Variants in SIPA1L2 observed in about 807,000 individuals in gnomAD.
SIPA1L2 encodes signal-induced proliferation-associated 1-like protein 2.
SIPA1L2 carries 56 observed loss-of-function variants against 163.9 expected under a neutral mutation model. That is an observed-to-expected ratio of 0.34 (90% CI 0.28 to 0.43). The LOEUF (loss-of-function observed/expected upper bound fraction) is 0.43. Ranked by LOEUF, SIPA1L2 falls within the 20% of genes least tolerant of loss-of-function variation. The probability of loss-of-function intolerance (pLI) is 1.00; values close to 1 mark genes in which losing one functional copy is unlikely to be tolerated. For missense variants in SIPA1L2, 1,974 were observed against 2,193.5 expected (o/e 0.90, Z 2.00); for synonymous variants, 877 against 865.7 (o/e 1.01, Z -0.23).
rs139393780 is a variant in SIPA1L2 at position 232,481,026 on chromosome 1, G to A, written c.1982-1296C>T. Among the ~76,000 whole-genome samples the A allele has an allele frequency of 5.9e-5, 9 of 152,026 alleles. No homozygotes were observed. The East Asian group carries it at 1.4e-3, about 23-fold the overall frequency. On this transcript the variant is annotated intron_variant, in intron 6 of 22. Transcript: ENST00000674635. ...TAAAAGGCATTTTCATGAATAAGGCGAATACTTAGTGTTTACATATAGTTA... is the reference window on the plus strand; with the variant it reads ...TAAAAGGCATTTTCATGAATAAGGCAAATACTTAGTGTTTACATATAGTTA...
At chr1:232,528,610 T>C (rs774034904) in intron 2 of SIPA1L2, among the ~76,000 whole-genome samples, 17 of 152,174 alleles carry the variant, frequency 1.1e-4, no homozygotes, top group Admixed American at 5.2e-4. Flanking sequence ...AAGAGTAGAA[T>C]TGGACAGGCC....
At position 232,440,566 on chromosome 1, in the gene SIPA1L2, G is replaced by A. The variant is rs555086272; in HGVS notation, c.3642+725C>T. Among the ~76,000 whole-genome samples the A allele has an allele frequency of 2.6e-5, 4 of 152,344 alleles. No homozygotes were observed. In the South Asian group the frequency reaches 8.3e-4, roughly 32 times the overall value. ...AGCTGAGGGAAGAAATGTCACATGT[G>A]TTTGCTAAGGGACAACTGCAAAGCT... On this transcript the variant is annotated intron_variant, in intron 14 of 22. Coordinates refer to ENST00000674635, the MANE Select transcript of SIPA1L2 (RefSeq NM_020808.5).
At chr1:232,603,541 G>A (rs371394708) in intron 1 of SIPA1L2, among the ~76,000 whole-genome samples, 4 of 152,030 alleles carry the variant, frequency 2.6e-5, no homozygotes, top group South Asian at 2.1e-4. Flanking sequence ...CAGAGGATGC[G>A]GCCTGAGGAC....
chr1:232,471,624 TA>T (rs1664807065), intron 7 of SIPA1L2, 96 bp from the exon 8 acceptor site: 2 of 1,148,636 alleles, frequency 1.7e-6, no homozygotes, highest in Admixed American at 3.1e-5. Flanking sequence ...GAGTGATTTT[TA>T]AAAAGCACAG....
At chr1:232,562,214 T>C (rs1281094913) in intron 2 of SIPA1L2, among the ~76,000 whole-genome samples, 2 of 152,190 alleles carry the variant, frequency 1.3e-5, no homozygotes, top group East Asian at 3.8e-4. Flanking sequence ...ATATGTCAAC[T>C]GCACATTTTG....
chr1:232,596,077 A>G (rs1363090854), intron 1 of SIPA1L2, among the ~76,000 whole-genome samples: 3 of 152,192 alleles, frequency 2.0e-5, no homozygotes, highest in Admixed American at 2.0e-4. Flanking sequence ...TTTTAAGCTG[A>G]AGATGGGGGT....
Position 232,485,109 on chromosome 1 carries a change from A to G in SIPA1L2, c.1807-1143T>C, listed in dbSNP as rs573220507. Among the ~76,000 whole-genome samples, 3 of 152,346 alleles carry G rather than the reference A, an allele frequency of 2.0e-5. No individual in the cohort carries two copies. The East Asian group carries it at 5.8e-4, about 29-fold the overall frequency. Reference sequence around the variant, plus strand: ...AGGAAACATTTACCACATGCTGGATAAACTTAGAGTTGAGCAGGTAGAGTC... The same window carrying G: ...AGGAAACATTTACCACATGCTGGATGAACTTAGAGTTGAGCAGGTAGAGTC... On this transcript the variant is annotated intron_variant, in intron 5 of 22. Transcript: ENST00000674635.
Position 232,399,225 on chromosome 1 carries a change from G to C in SIPA1L2, c.5071C>G (p.Gln1691Glu). 1 of 1,613,710 alleles carries C rather than the reference G, an allele frequency of 6.2e-7. No individual in the cohort carries two copies. Among genetic ancestry groups the C allele is most frequent in the South Asian group, 1.1e-5 (1 of 91,056 alleles). The change falls in exon 23 of 23, where the codon CAG (glutamine) becomes GAG (glutamate). Residue 1691 changes from glutamine (Q) to glutamate (E), a missense_variant. Gln to Glu is a conservative substitution (Grantham distance 29). Around this residue, in one of 3 missense-constraint regions of SIPA1L2, gnomAD observed 1,079 missense variants for 1,150.7 expected, o/e 0.94. Transcript: ENST00000674635. ...VLQAEVQHLR[Q>E]DNMRLQEESQ... ...TCCTCCTGCAGTCTCATGTTGTCCTGTCTCAGGTGCTGCACTTCTGCTTGG... is the reference window on the plus strand; with the variant it reads ...TCCTCCTGCAGTCTCATGTTGTCCTCTCTCAGGTGCTGCACTTCTGCTTGG...
intron 10 of SIPA1L2, among the ~76,000 whole-genome samples, chr1:232,456,821 G>C (rs1279942012): frequency 6.6e-6 from 1 of 152,000 alleles, no homozygotes; most frequent in Non-Finnish European, 1.5e-5. Context: ...AAACACCCTG[G>C]TTCCCCTTTC....
rs140149780 is a variant in SIPA1L2, at chr1:232,435,605, T to C, written c.4032-3134A>G. 7.2e-4 allele frequency among the ~76,000 whole-genome samples: 110 copies of C among 152,348 alleles called. No individual in the cohort carries two copies. In the Middle Eastern group the frequency reaches 0.014, roughly 19 times the overall value. On this transcript the variant is annotated intron_variant, in intron 15 of 22. Transcript: ENST00000674635. ...ACAGCCCAACGTCGTGTGTGCCATT[T>C]ACAGGAGAATCCAGAACATGGGGTT...
intron 1 of SIPA1L2, among the ~76,000 whole-genome samples, chr1:232,595,975 G>A (rs983156554): frequency 2.0e-5 from 3 of 152,124 alleles, no homozygotes; most frequent in African/African-American, 4.8e-5. Context: ...TGCCCATAGA[G>A]CTCACTGGGA....
chr1:232,531,117 T>C (rs756229623), intron 2 of SIPA1L2, among the ~76,000 whole-genome samples: 2 of 152,206 alleles, frequency 1.3e-5, no homozygotes, highest in African/African-American at 4.8e-5. Context: ...TTTTAAGTAT[T>C]TGAATTTTGA....
At chr1:232,547,979 C>G (rs1356058815) in intron 2 of SIPA1L2, among the ~76,000 whole-genome samples, 1 of 152,166 alleles carries the variant, frequency 6.6e-6, no homozygotes, top group South Asian at 2.1e-4. Flanking sequence ...TGATACACAA[C>G]AGCACACACT....
rs192283805 is a variant in SIPA1L2, at chr1:232,430,094, C to T, written c.4257-1530G>A. Among the ~76,000 whole-genome samples the T allele has an allele frequency of 4.9e-4, 75 of 152,176 alleles. 1 individual carries two copies. Among genetic ancestry groups the T allele is most frequent in the Non-Finnish European group, 2.9e-4 (20 of 68,026 alleles). On this transcript the variant is annotated intron_variant, in intron 16 of 22. Coordinates refer to ENST00000674635, the MANE Select transcript of SIPA1L2 (RefSeq NM_020808.5). ...TGAGGATTTACTCTGTGCCTGCCAC[C>T]GTGAGTAGTGAAGTTAAGCAGGACA...
intron 1 of SIPA1L2, among the ~76,000 whole-genome samples, chr1:232,587,323 T>C (rs1463757302): frequency 1.3e-5 from 2 of 152,118 alleles, no homozygotes; most frequent in African/African-American, 2.4e-5. Flanking sequence ...CACACGTCTA[T>C]CACCACACGT....
At chr1:232,443,267 A>G (rs1464571185) in intron 12 of SIPA1L2, among the ~76,000 whole-genome samples, 1 of 152,254 alleles carries the variant, frequency 6.6e-6, no homozygotes, top group African/African-American at 2.4e-5. Context: ...CAAAAAAGCC[A>G]AACGCTAAAC....
chr1:232,448,888 G>C (rs999040257), intron 10 of SIPA1L2, among the ~76,000 whole-genome samples: 3 of 152,160 alleles, frequency 2.0e-5, no homozygotes, highest in Non-Finnish European at 4.4e-5. Context: ...GTGGTTTTTA[G>C]AGAACAGAAA....
chr1:232,465,545 C>T lies in SIPA1L2; in HGVS notation c.2244-129G>A, dbSNP rs7531995. 79,105 of 752,992 alleles carry T rather than the reference C, an allele frequency of 0.11. 14,772 individuals are homozygous for T. The highest frequency in any genetic ancestry group is 0.74 in the East Asian group (27,525 of 37,284). The allele number at this position is 752,992 out of a possible 1,614,324, so 46.6% of individuals were successfully genotyped here. A position where few individuals can be genotyped will look rare whatever the true frequency, so the allele number is the denominator to read the frequency against. Reference sequence around the variant, plus strand: ...ACACACACACACACATATACATACACACATACACACACACTTTCAACTTAA... The same window carrying T: ...ACACACACACACACATATACATACATACATACACACACACTTTCAACTTAA... On this transcript the variant is annotated intron_variant, in intron 8 of 22. Transcript: ENST00000674635. The surrounding 1 kb of genome is among the most constrained non-coding windows in gnomAD (Gnocchi z 4.1).
chr1:232,600,245 T>A (rs1573153417), intron 1 of SIPA1L2, among the ~76,000 whole-genome samples: 1 of 152,098 alleles, frequency 6.6e-6, no homozygotes, highest in Admixed American at 6.5e-5. Flanking sequence ...AAAAAAAAAA[T>A]TCTTTTTCAT....
Sources: gnomAD v4.1 joint callset for allele counts (sites outside exome capture counted in the v4.1 genomes callset) on GRCh38, gnomAD v4.1.1 for gene constraint, gnomAD v4.1.1 regional missense constraint, Gnocchi (gnomAD v3.1) non-coding constraint, MANE v1.5 for transcripts, NCBI Gene and HGNC (gene_info 2026-07-23, HGNC 2026-07-21) for gene names.